GPM6A: variants seen among roughly 807,000 people sequenced by gnomAD.
GPM6A encodes the protein glycoprotein M6A, also known as neuronal membrane glycoprotein M6-a.
Under a neutral mutation model 32.1 loss-of-function variants are expected in GPM6A, and 7 were observed. The ratio of observed to expected loss-of-function variants is 0.22; its 90% confidence interval spans 0.12 to 0.41. The LOEUF is 0.41. Ranked by LOEUF, GPM6A falls within the 10% of genes least tolerant of loss-of-function variation. The pLI, the probability that GPM6A is intolerant of heterozygous loss-of-function variation, is 1.00. For synonymous variants in GPM6A, 130 were observed against 123.4 expected (o/e 1.05, Z -0.35); for missense variants, 235 against 347.2 (o/e 0.68, Z 2.57).
upstream of GPM6A, among the ~76,000 whole-genome samples, chr4:175,814,323 C>T (rs1452642397): frequency 6.6e-6 from 1 of 152,132 alleles, no homozygotes; most frequent in Non-Finnish European, 1.5e-5. Context: ...TGCTCAGGGA[C>T]ACCTAGAGAC....
At chr4:175,929,578 C>G (rs760230631) in intron 1 of GPM6A, among the ~76,000 whole-genome samples, 2 of 152,176 alleles carry the variant, frequency 1.3e-5, no homozygotes, top group Non-Finnish European at 2.9e-5. Flanking sequence ...TGTAATATTA[C>G]TCCTTCCTAA....
At chr4:175,773,633 T>C (rs1056139457) in intron 1 of GPM6A, among the ~76,000 whole-genome samples, 24 of 152,192 alleles carry the variant, frequency 1.6e-4, no homozygotes, top group African/African-American at 5.8e-4. Flanking sequence ...ATTTTATTTG[T>C]ATTCTTTAGT....
intron 3 of GPM6A, among the ~76,000 whole-genome samples, chr4:175,660,235 T>TA (rs1196963155): frequency 6.6e-5 from 10 of 151,984 alleles, no homozygotes; most frequent in Non-Finnish European, 1.3e-4. Context: ...CCGTCTCTAC[T>TA]AAAAATACAA....
At chr4:175,810,905 A>T (rs1271191367) in intron 1 of GPM6A, among the ~76,000 whole-genome samples, 3 of 152,200 alleles carry the variant, frequency 2.0e-5, no homozygotes, top group African/African-American at 4.8e-5. Context: ...TTAAAAATAG[A>T]TCACATGCTA....
At chr4:175,758,236 C>A (rs887689928) in intron 1 of GPM6A, among the ~76,000 whole-genome samples, 40 of 151,704 alleles carry the variant, frequency 2.6e-4, no homozygotes, top group African/African-American at 9.2e-4. Flanking sequence ...AGGGCTGGGA[C>A]AAAAAAATGC....
At chr4:175,727,097 ATGG>A (rs888328623) in intron 1 of GPM6A, among the ~76,000 whole-genome samples, 19 of 152,242 alleles carry the variant, frequency 1.2e-4, no homozygotes, top group Admixed American at 4.6e-4. Flanking sequence ...CAAATTGAAA[ATGG>A]TCAAATTGCA....
At chr4:175,738,394 C>T (rs141293953) in intron 1 of GPM6A, among the ~76,000 whole-genome samples, 2 of 152,050 alleles carry the variant, frequency 1.3e-5, no homozygotes, top group East Asian at 3.9e-4. Flanking sequence ...GTCAGTATGC[C>T]TTATGGTCAG....
chr4:175,812,116 T>A (rs1734942662), intron 1 of GPM6A, 75 bp downstream of exon 1: 1 of 1,097,182 alleles, frequency 9.1e-7, no homozygotes, highest in East Asian at 2.6e-5. Context: ...TTAGCCTTAC[T>A]GGCAAGTGTC....
At chr4:175,740,338 G>T (rs1000186992) in intron 1 of GPM6A, among the ~76,000 whole-genome samples, 2 of 151,976 alleles carry the variant, frequency 1.3e-5, no homozygotes, top group African/African-American at 4.8e-5. Flanking sequence ...ATGATAACTT[G>T]TATTTATTTA....
chr4:175,811,872 C>A, intron 1 of GPM6A: 2 of 204,182 alleles, frequency 9.8e-6, no homozygotes, highest in East Asian at 1.1e-4. Flanking sequence ...ATCCCTTGAC[C>A]CAGCTCGGCA....
At chr4:175,708,747 G>T (rs1745358134) in intron 1 of GPM6A, among the ~76,000 whole-genome samples, 1 of 152,152 alleles carries the variant, frequency 6.6e-6, no homozygotes, top group South Asian at 2.1e-4. Flanking sequence ...GAACACAGGA[G>T]AGGTTAAAAT....
At chr4:175,872,347 G>A (rs1264178022) in intron 1 of GPM6A, among the ~76,000 whole-genome samples, 1 of 152,010 alleles carries the variant, frequency 6.6e-6, no homozygotes, top group Non-Finnish European at 1.5e-5. Context: ...CTATTTCCAG[G>A]AACTTCCTAA....
chr4:175,779,940 G>GTAATATAACTA, intron 1 of GPM6A, among the ~76,000 whole-genome samples: 1 of 151,784 alleles, frequency 6.6e-6, no homozygotes, highest in African/African-American at 2.4e-5. Context: ...TTTGAAAAGG[G>GTAATATAACTA]TAATATAACT....
chr4:175,898,554 G>A (rs972597500), intron 1 of GPM6A, among the ~76,000 whole-genome samples: 20 of 152,086 alleles, frequency 1.3e-4, no homozygotes, highest in African/African-American at 4.6e-4. Flanking sequence ...CGGGGAATAC[G>A]TTCTCCATTG....
At chr4:175,978,735 T>C (rs1332528088) in intron 1 of GPM6A, among the ~76,000 whole-genome samples, 3 of 152,200 alleles carry the variant, frequency 2.0e-5, no homozygotes, top group African/African-American at 7.2e-5. Flanking sequence ...TTTCAAAAAA[T>C]ACCAATATCT....
At chr4:175,697,556 T>A (rs1227742956) in intron 2 of GPM6A, among the ~76,000 whole-genome samples, 2 of 152,126 alleles carry the variant, frequency 1.3e-5, no homozygotes. Context: ...ACACTTCTTA[T>A]CAAAACAGTT....
chr4:175,712,814 G>A (rs1345524917), intron 1 of GPM6A, among the ~76,000 whole-genome samples: 1 of 152,160 alleles, frequency 6.6e-6, no homozygotes, highest in Non-Finnish European at 1.5e-5. Flanking sequence ...ATACAGAAGT[G>A]ATCAAAAAAT....
intron 3 of GPM6A, among the ~76,000 whole-genome samples, chr4:175,665,606 A>C (rs779536031): frequency 1.4e-4 from 22 of 152,082 alleles, no homozygotes; most frequent in Admixed American, 5.2e-4. Flanking sequence ...CAACATGATG[A>C]AAACCTATGT....
intron 1 of GPM6A, among the ~76,000 whole-genome samples, chr4:175,750,205 C>T (rs972907276): frequency 2.6e-5 from 4 of 151,910 alleles, no homozygotes; most frequent in African/African-American, 9.7e-5. Flanking sequence ...ATTACAGGCG[C>T]ATGCCACCAC....
Sources: gnomAD v4.1 joint callset for allele counts (sites outside exome capture counted in the v4.1 genomes callset) on GRCh38, gnomAD v4.1.1 for gene constraint, MANE v1.5 for transcripts, NCBI Gene and HGNC (gene_info 2026-07-23, HGNC 2026-07-21) for gene names.